NKAIN2: variants seen among roughly 807,000 people sequenced by gnomAD.
NKAIN2 encodes the protein sodium/potassium transporting ATPase interacting 2, also known as sodium/potassium-transporting ATPase subunit beta-1-interacting protein 2.
In NKAIN2, 14 loss-of-function variants were observed where a neutral mutation model predicts 32.6. The observed-to-expected ratio is 0.43, with a 90% CI of 0.28 to 0.67. NKAIN2 has a LOEUF of 0.67. Among genes scored for constraint, NKAIN2 ranks in the 30% least tolerant of loss-of-function variants. NKAIN2 has a pLI of 0.17. For missense variants in NKAIN2, 198 were observed against 258.3 expected (o/e 0.77, Z 1.60); for synonymous variants, 80 against 87.2 (o/e 0.92, Z 0.46).
intron 3 of NKAIN2, among the ~76,000 whole-genome samples, chr6:124,425,553 A>C (rs1410567963): frequency 6.6e-6 from 1 of 152,136 alleles, no homozygotes; most frequent in African/African-American, 2.4e-5. Context: ...TATATCTGAT[A>C]GGGGTTTAAT....
intron 3 of NKAIN2, among the ~76,000 whole-genome samples, chr6:124,531,755 C>T (rs1779534675): frequency 6.6e-6 from 1 of 152,150 alleles, no homozygotes; most frequent in Admixed American, 6.5e-5. Flanking sequence ...ATGGCCACCT[C>T]CGCCTCCCTG....
intron 1 of NKAIN2, among the ~76,000 whole-genome samples, chr6:123,908,499 T>C (rs1157817285): frequency 6.6e-6 from 1 of 152,220 alleles, no homozygotes; most frequent in Admixed American, 6.5e-5. Flanking sequence ...AATACACATG[T>C]TCAAAGTTCT....
intron 1 of NKAIN2, among the ~76,000 whole-genome samples, chr6:124,105,063 C>T (rs1333564409): frequency 6.6e-6 from 1 of 152,138 alleles, no homozygotes; most frequent in Admixed American, 6.5e-5. Context: ...ATAGGCAGGG[C>T]TGAACTCGTC....
intron 2 of NKAIN2, among the ~76,000 whole-genome samples, chr6:124,286,642 TTGTGTG>T (rs56396833): frequency 4.0e-4 from 58 of 144,590 alleles, no homozygotes; most frequent in South Asian, 8.9e-4. Flanking sequence ...GTTTGGAAAA[TTGTGTG>T]TGTGTGTGTG....
intron 4 of NKAIN2, among the ~76,000 whole-genome samples, chr6:124,781,119 G>A (rs1423443155): frequency 6.6e-6 from 1 of 152,092 alleles, no homozygotes; most frequent in African/African-American, 2.4e-5. Flanking sequence ...AATTCACTCT[G>A]ATTATTAGAA....
chr6:124,275,498 T>C (rs1388919485), intron 1 of NKAIN2, among the ~76,000 whole-genome samples: 3 of 152,146 alleles, frequency 2.0e-5, no homozygotes, highest in Non-Finnish European at 4.4e-5. Flanking sequence ...GTTTTAAAAA[T>C]AAATGTTGAT....
At chr6:124,620,031 GT>G (rs1265240860) in intron 3 of NKAIN2, among the ~76,000 whole-genome samples, 7 of 152,098 alleles carry the variant, frequency 4.6e-5, no homozygotes, top group African/African-American at 1.7e-4. Flanking sequence ...AGTAAATTAT[GT>G]TTTAAAGCTA....
intron 3 of NKAIN2, among the ~76,000 whole-genome samples, chr6:124,541,963 A>AT (rs1172134108): frequency 6.6e-6 from 1 of 152,180 alleles, no homozygotes; most frequent in Non-Finnish European, 1.5e-5. Flanking sequence ...TGGTGTAACC[A>AT]TAAGGACACA....
chr6:124,384,212 T>C (rs1372439265), intron 3 of NKAIN2, among the ~76,000 whole-genome samples: 1 of 152,196 alleles, frequency 6.6e-6, no homozygotes, highest in Non-Finnish European at 1.5e-5. Context: ...ACAGTGAACT[T>C]GGTAATGAAC....
At chr6:124,524,468 A>G (rs181437571) in intron 3 of NKAIN2, among the ~76,000 whole-genome samples, 1 of 152,306 alleles carries the variant, frequency 6.6e-6, no homozygotes, top group African/African-American at 2.4e-5. Context: ...AAATAATGAG[A>G]ATAGTAACAT....
intron 4 of NKAIN2, among the ~76,000 whole-genome samples, chr6:124,766,814 A>G (rs1778534260): frequency 6.6e-6 from 1 of 152,212 alleles, no homozygotes; most frequent in African/African-American, 2.4e-5. Flanking sequence ...AGGTAAAGGA[A>G]TTGAAATCAG....
chr6:124,639,001 CA>C (rs1216166420), intron 3 of NKAIN2, among the ~76,000 whole-genome samples: 8 of 150,536 alleles, frequency 5.3e-5, no homozygotes, highest in African/African-American at 1.7e-4. Context: ...CACTAATAAT[CA>C]GGGAAAAGTG....
chr6:123,821,875 G>A (rs1773938201), intron 1 of NKAIN2, among the ~76,000 whole-genome samples: 1 of 152,020 alleles, frequency 6.6e-6, no homozygotes, highest in Non-Finnish European at 1.5e-5. Context: ...AGCAGGGGAT[G>A]GATTATCTGA....
intron 1 of NKAIN2, among the ~76,000 whole-genome samples, chr6:124,202,067 G>C (rs898717462): frequency 6.6e-6 from 1 of 151,726 alleles, no homozygotes; most frequent in Non-Finnish European, 1.5e-5. Context: ...GGGCAGAGTG[G>C]CAGTGGTATG....
chr6:123,878,370 G>T (rs1773276516), intron 1 of NKAIN2, among the ~76,000 whole-genome samples: 1 of 151,744 alleles, frequency 6.6e-6, no homozygotes, highest in South Asian at 2.1e-4. Context: ...CCTTTTATTA[G>T]GTTCAACTAT....
intron 1 of NKAIN2, among the ~76,000 whole-genome samples, chr6:123,957,633 TG>T (rs1777655702): frequency 1.3e-5 from 2 of 152,212 alleles, no homozygotes; most frequent in African/African-American, 4.8e-5. Flanking sequence ...ACACAATCTT[TG>T]TTTTCAATTT....
At chr6:124,568,811 A>C (rs142302181) in intron 3 of NKAIN2, among the ~76,000 whole-genome samples, 42 of 133,176 alleles carry the variant, frequency 3.2e-4, no homozygotes, top group African/African-American at 1.0e-3. Flanking sequence ...ATTGCTAGAA[A>C]AGCACTGTGG....
At chr6:124,702,779 C>T (rs550332108) in intron 4 of NKAIN2, among the ~76,000 whole-genome samples, 27 of 152,022 alleles carry the variant, frequency 1.8e-4, no homozygotes, top group Non-Finnish European at 3.1e-4. Flanking sequence ...TACAATTCCA[C>T]GCCCTAAAGG....
At chr6:124,785,644 G>A (rs538340955) in intron 4 of NKAIN2, among the ~76,000 whole-genome samples, 155 of 152,256 alleles carry the variant, frequency 1.0e-3, no homozygotes, top group Non-Finnish European at 1.9e-3. Flanking sequence ...CTTAAGGTGG[G>A]AAGGGCTTTT....
Sources: allele counts gnomAD v4.1 joint callset (sites outside exome capture counted in the v4.1 genomes callset), GRCh38; gene constraint gnomAD v4.1.1; transcripts MANE v1.5; gene names NCBI Gene and HGNC (gene_info 2026-07-23, HGNC 2026-07-21).